The following ACACB variants were observed in gnomAD, a reference collection of about 807,000 sequenced individuals.
ACACB encodes acetyl-CoA carboxylase beta, also known as acetyl-CoA carboxylase 2.
A neutral mutation model predicts 278.8 loss-of-function variants in ACACB; 209 were observed. The ratio of observed to expected loss-of-function variants is 0.75; its 90% CI spans 0.67 to 0.84. The LOEUF (loss-of-function observed/expected upper bound fraction) is 0.84. Ranked by LOEUF, ACACB falls within the 40% of genes least tolerant of loss-of-function variation. The pLI, the probability that ACACB is intolerant of heterozygous loss-of-function variation, is 0.00. For missense variants in ACACB, 2,850 were observed against 3,269.0 expected (o/e 0.87, Z 3.13); for synonymous variants, 1,174 against 1,285.6 (o/e 0.91, Z 1.86).
At chr12:109,196,982 C>T (rs774318818) in intron 16 of ACACB, 26 bp from the exon 17 acceptor site, 52 of 1,523,506 alleles carry the variant, frequency 3.4e-5, no homozygotes, top group Admixed American at 7.3e-5. Flanking sequence ...TGAACCCAGG[C>T]GGTGACAAGG....
intron 2 of ACACB, among the ~76,000 whole-genome samples, chr12:109,155,115 C>G (rs2043494718): frequency 6.6e-6 from 1 of 152,118 alleles, no homozygotes; most frequent in Non-Finnish European, 1.5e-5. Flanking sequence ...CTTGGAAACT[C>G]TAGCTGGCCT....
rs2046742731 is a variant in ACACB, at chr12:109,239,817, C to T, written c.4663-13C>T. On this transcript the variant is annotated splice_polypyrimidine_tract_variant and intron_variant, in intron 34 of 52. Transcript: ENST00000338432. The stretch of plus-strand genomic sequence containing the variant: ...CCCTGGCCTGAGCAGCTGCCCCTCC[C>T]ACTCTTTGGCAGGAAGCCTCCTTCG... 1.2e-6 allele frequency: 2 copies of T among 1,604,314 alleles called. No homozygotes were observed. The highest frequency in any genetic ancestry group is 4.5e-5 in the East Asian group (2 of 44,524).
intron 1 of ACACB, among the ~76,000 whole-genome samples, chr12:109,120,747 G>A (rs2042527145): frequency 6.6e-6 from 1 of 152,134 alleles, no homozygotes; most frequent in African/African-American, 2.4e-5. Flanking sequence ...ACACACGTGT[G>A]CCACACACGT....
At chr12:109,241,532 G>A (rs2046799368) in intron 36 of ACACB, 1 of 473,080 alleles carries the variant, frequency 2.1e-6, no homozygotes, top group Non-Finnish European at 3.9e-6. Flanking sequence ...ATTTTTGATA[G>A]AGACAAGGTG....
intron 35 of ACACB, 138 bp from the exon 36 acceptor site, chr12:109,240,940 T>C: frequency 1.3e-6 from 1 of 752,368 alleles, no homozygotes; most frequent in Non-Finnish European, 2.2e-6. Context: ...TATTAGTTAA[T>C]ACTTTTTGTT....
chr12:109,130,960 G>A (rs1349156992), intron 1 of ACACB, among the ~76,000 whole-genome samples: 2 of 152,110 alleles, frequency 1.3e-5, no homozygotes, highest in Non-Finnish European at 2.9e-5. Flanking sequence ...AACATCTGTC[G>A]ATGCTGTTTT....
chr12:109,205,709 C>T (rs749824012), intron 19 of ACACB, among the ~76,000 whole-genome samples: 8 of 152,088 alleles, frequency 5.3e-5, no homozygotes, highest in African/African-American at 7.2e-5. Flanking sequence ...CCACCTCGGA[C>T]TCCCAAAGTG....
Position 109,241,076 on chromosome 12 carries a change from A to G in ACACB, c.4819-2A>G. ...AACTGGAATTGCTGTGTTTTGGGGC[A>G]GATCGAGGAGTCCGTGCGCTACATG... is the stretch of plus-strand genomic sequence containing the variant. On this transcript the variant is annotated splice_acceptor_variant, in intron 35 of 52. Coordinates refer to ENST00000338432, the MANE Select transcript of ACACB (RefSeq NM_001093.4). LOFTEE classifies it high-confidence loss of function. 1 of 1,613,432 alleles carries G rather than the reference A, an allele frequency of 6.2e-7. No homozygotes were observed. Among genetic ancestry groups the G allele is most frequent in the Non-Finnish European group, 8.5e-7 (1 of 1,179,490 alleles).
chr12:109,261,644 GC>G (rs1038380722), intron 48 of ACACB, among the ~76,000 whole-genome samples: 2 of 152,070 alleles, frequency 1.3e-5, no homozygotes, highest in African/African-American at 4.8e-5. Flanking sequence ...GCTAAGGGGG[GC>G]AGATCACTTG....
intron 1 of ACACB, among the ~76,000 whole-genome samples, chr12:109,134,892 A>C (rs900207626): frequency 6.6e-6 from 1 of 152,182 alleles, no homozygotes; most frequent in Non-Finnish European, 1.5e-5. Flanking sequence ...ACCACAAAGA[A>C]TTTTCCAACC....
chr12:109,257,094 C>T lies in ACACB; in HGVS notation c.6263+858C>T, dbSNP rs12367997. Among the ~76,000 whole-genome samples, 784 of 152,028 alleles carry T rather than the reference C, an allele frequency of 5.2e-3. 5 individuals are homozygous for T. Among genetic ancestry groups the T allele is most frequent in the Non-Finnish European group, 8.6e-3 (584 of 67,970 alleles). On this transcript the variant is annotated intron_variant, in intron 45 of 52. Transcript: ENST00000338432. ...TTCGAGACCAGCCTGGCCAACATGG[C>T]GAAACCCCGTCTCTACTGAAAATAC...
At chr12:109,192,370 C>T (rs2044924509) in intron 15 of ACACB, among the ~76,000 whole-genome samples, 2 of 152,158 alleles carry the variant, frequency 1.3e-5, no homozygotes, top group Admixed American at 1.3e-4. Flanking sequence ...ACCAGGCGAT[C>T]TCTGTTAGGA....
intron 37 of ACACB, among the ~76,000 whole-genome samples, chr12:109,243,704 A>G (rs2046862883): frequency 6.6e-6 from 1 of 152,164 alleles, no homozygotes; most frequent in Non-Finnish European, 1.5e-5. Flanking sequence ...GTAAAATTCT[A>G]TTCATATGTA....
At chr12:109,252,294 C>T in intron 42 of ACACB, 138 bp downstream of exon 42, 2 of 569,412 alleles carry the variant, frequency 3.5e-6, no homozygotes, top group Non-Finnish European at 5.9e-6. Context: ...TCTTTTTTTC[C>T]AATTTGCAGC....
intron 2 of ACACB, among the ~76,000 whole-genome samples, chr12:109,140,586 A>G (rs2043099290): frequency 6.6e-6 from 1 of 152,144 alleles, no homozygotes. Flanking sequence ...GAACCCAGGA[A>G]GTGGAGGTTG....
chr12:109,184,846 A>G (rs1308353384), intron 11 of ACACB, among the ~76,000 whole-genome samples: 1 of 151,904 alleles, frequency 6.6e-6, no homozygotes, highest in East Asian at 1.9e-4. Context: ...AGCTGGGACC[A>G]CAGGTGCAAG....
intron 52 of ACACB, among the ~76,000 whole-genome samples, chr12:109,265,917 G>A (rs1000703320): frequency 3.3e-5 from 5 of 152,214 alleles, no homozygotes; most frequent in Non-Finnish European, 7.3e-5. Context: ...TCCCCCAATT[G>A]CCATGGGGTC....
intron 31 of ACACB, 30 bp downstream of exon 31, chr12:109,234,075 G>A: frequency 6.5e-7 from 1 of 1,547,960 alleles, no homozygotes; most frequent in African/African-American, 1.4e-5. Flanking sequence ...GGTTTTGGTG[G>A]GGGTTCTTGG....
At chr12:109,215,624 C>T (rs1319868831) in intron 22 of ACACB, among the ~76,000 whole-genome samples, 1 of 151,852 alleles carries the variant, frequency 6.6e-6, no homozygotes, top group African/African-American at 2.4e-5. Context: ...ATTAGCCGAG[C>T]GTGGGTGGCA....
Sources: gnomAD v4.1 joint callset for allele counts (sites outside exome capture counted in the v4.1 genomes callset) on GRCh38, gnomAD v4.1.1 for gene constraint, MANE v1.5 for transcripts, NCBI Gene and HGNC (gene_info 2026-07-23, HGNC 2026-07-21) for gene names.